Variants in TRAK2 observed in about 807,000 individuals in gnomAD.
TRAK2 encodes trafficking kinesin-binding protein 2.
In TRAK2, 81 loss-of-function variants were observed where a neutral mutation model predicts 104.6. That is an observed-to-expected ratio of 0.77 (90% CI 0.65 to 0.93). The LOEUF is 0.93. Ranked by LOEUF, TRAK2 falls within the 40% of genes least tolerant of loss-of-function variation. The probability of loss-of-function intolerance (pLI) is 0.00; values close to 1 mark genes in which losing one functional copy is unlikely to be tolerated. For synonymous variants in TRAK2, 406 were observed against 394.4 expected, an observed-to-expected ratio of 1.03 and a Z score of -0.35; for missense variants, 1,002 against 1,089.0, an observed-to-expected ratio of 0.92 and a Z score of 1.12.
At chr2:201,427,674 T>C (rs1283811003) in intron 1 of TRAK2, among the ~76,000 whole-genome samples, 1 of 152,244 alleles carries the variant, frequency 6.6e-6, no homozygotes, top group Non-Finnish European at 1.5e-5. Context: ...TATAATCCTT[T>C]GGGTATATAC....
chr2:201,406,427 ATGTTTATAATTTTT>A (rs1473218440), intron 3 of TRAK2, among the ~76,000 whole-genome samples: 3 of 152,174 alleles, frequency 2.0e-5, no homozygotes, highest in African/African-American at 7.2e-5. Flanking sequence ...AGCTGAAACA[ATGTTTATAATTTTT>A]TTTGAGCAGT....
At chr2:201,411,105 G>A (rs372043638) in intron 2 of TRAK2, 3 of 1,022,898 alleles carry the variant, frequency 2.9e-6, no homozygotes, top group African/African-American at 3.2e-5. Flanking sequence ...GAACGTACTT[G>A]AAGCAGAAGG....
At chr2:201,424,772 T>C (rs1951772965) in intron 1 of TRAK2, among the ~76,000 whole-genome samples, 1 of 149,310 alleles carries the variant, frequency 6.7e-6, no homozygotes, top group Admixed American at 6.6e-5. Context: ...CTGGCTAATT[T>C]TTTTTGTATT....
intron 3 of TRAK2, among the ~76,000 whole-genome samples, chr2:201,402,370 G>A (rs1951557485): frequency 6.6e-6 from 1 of 151,940 alleles, no homozygotes; most frequent in African/African-American, 2.4e-5. Context: ...AAATGAATCT[G>A]GGAATTACCT....
chr2:201,386,120 C>G, intron 14 of TRAK2, 98 bp downstream of exon 14: 2 of 1,294,066 alleles, frequency 1.5e-6, no homozygotes, highest in Non-Finnish European at 2.2e-6. Flanking sequence ...AGATTAAGTA[C>G]CCTCCAGTGA....
At chr2:201,381,964 T>C (rs1324624496) in intron 15 of TRAK2, among the ~76,000 whole-genome samples, 1 of 152,228 alleles carries the variant, frequency 6.6e-6, no homozygotes, top group African/African-American at 2.4e-5. Context: ...TATTCAGTAA[T>C]ACTACTGAAT....
In TRAK2 at chr2:201,377,358, G is replaced by A. The variant is rs1287573901; in HGVS notation, c.*3185C>T. The A allele has an allele frequency of 1.3e-5, 2 of 152,212 alleles. No homozygotes were observed. Among genetic ancestry groups the A allele is most frequent in the Non-Finnish European group, 2.9e-5 (2 of 68,044 alleles). The allele number at this position is 152,212 out of a possible 1,614,324, so 9.4% of individuals were successfully genotyped here. On this transcript the variant is annotated 3_prime_UTR_variant, in exon 16 of 16. Coordinates refer to ENST00000332624, the MANE Select transcript of TRAK2 (RefSeq NM_015049.3). The stretch of plus-strand genomic sequence containing the variant: ...AGAGGGCACTTGTGCCCACTCTGAG[G>A]GGGATGTCCTCTGCCATGCGACCGC...
chr2:201,382,702 G>C (rs977888746), intron 15 of TRAK2, among the ~76,000 whole-genome samples: 1 of 152,042 alleles, frequency 6.6e-6, no homozygotes, highest in South Asian at 2.1e-4. Flanking sequence ...GACTTTATTG[G>C]GATCTTTAGT....
intron 1 of TRAK2, among the ~76,000 whole-genome samples, chr2:201,443,239 C>G (rs1951939230): frequency 1.3e-5 from 2 of 152,274 alleles, no homozygotes; most frequent in South Asian, 4.1e-4. Context: ...CATCCTAAAC[C>G]ACCCTCCTTG....
At position 201,400,570 on chromosome 2, in the gene TRAK2, T is replaced by A. The variant is rs879646776; in HGVS notation, c.363+448A>T. Among the ~76,000 whole-genome samples, 33 of 151,868 alleles carry A rather than the reference T, an allele frequency of 2.2e-4. 1 individual carries two copies. The highest frequency in any genetic ancestry group is 2.0e-4 in the Admixed American group (3 of 15,220). On this transcript the variant is annotated intron_variant, in intron 4 of 15. Coordinates refer to ENST00000332624, the MANE Select transcript of TRAK2 (RefSeq NM_015049.3). ...TCTACTGATTGCCAACTAGAGGAGA[T>A]ACACTATACATATTAAAAATGCCAT...
intron 3 of TRAK2, among the ~76,000 whole-genome samples, chr2:201,402,636 G>A (rs550826184): frequency 5.3e-5 from 8 of 152,184 alleles, no homozygotes; most frequent in South Asian, 4.1e-4. Context: ...GTAGCATAGC[G>A]GGAACAAAGG....
intron 2 of TRAK2, among the ~76,000 whole-genome samples, chr2:201,419,947 G>A (rs1338628579): frequency 6.6e-6 from 1 of 152,170 alleles, no homozygotes; most frequent in African/African-American, 2.4e-5. Flanking sequence ...GGTTTGGTGG[G>A]CAAATGAGTT....
chr2:201,397,143 G>T (rs1951509654), intron 7 of TRAK2, among the ~76,000 whole-genome samples: 1 of 152,064 alleles, frequency 6.6e-6, no homozygotes, highest in Non-Finnish European at 1.5e-5. Flanking sequence ...CATCATTTAA[G>T]CCCTGGCTCT....
At chr2:201,410,137 A>AAC (rs1041908375) in intron 2 of TRAK2, among the ~76,000 whole-genome samples, 4 of 152,114 alleles carry the variant, frequency 2.6e-5, no homozygotes, top group African/African-American at 9.7e-5. Flanking sequence ...CTCTACGAGA[A>AAC]ACACACACAA....
chr2:201,420,688 T>G lies in TRAK2; in HGVS notation c.-181A>C. On this transcript the variant is annotated 5_prime_UTR_variant, in exon 2 of 16. The change abolishes an upstream ATG in the 5' untranslated region. Coordinates refer to ENST00000332624, the MANE Select transcript of TRAK2 (RefSeq NM_015049.3). ...AACGAGCACTCTCATGTGATTATCA[T>G]ACTTTGGACAGTCATGACCTAAAAC... is the stretch of plus-strand genomic sequence containing the variant. The G allele has an allele frequency of 1.8e-6, 1 of 562,558 alleles. No homozygotes were observed. The highest frequency in any genetic ancestry group is 3.0e-5 in the East Asian group (1 of 33,076). The allele number at this position is 562,558 out of a possible 1,614,324, so 34.8% of individuals were successfully genotyped here.
At chr2:201,446,295 A>G (rs957933245) in intron 1 of TRAK2, among the ~76,000 whole-genome samples, 1 of 152,164 alleles carries the variant, frequency 6.6e-6, no homozygotes, top group Admixed American at 6.5e-5. Context: ...AACTCTGTCC[A>G]TGCTATTTCT....
At chr2:201,429,102 G>A (rs1032516594) in intron 1 of TRAK2, among the ~76,000 whole-genome samples, 2 of 152,190 alleles carry the variant, frequency 1.3e-5, no homozygotes, top group African/African-American at 2.4e-5. Flanking sequence ...ATATAATCAT[G>A]TCATCTCCCA....
At chr2:201,401,128 T>C (rs1440942446) in intron 3 of TRAK2, 34 bp from the exon 4 acceptor site, 25 of 1,429,954 alleles carry the variant, frequency 1.7e-5, no homozygotes, top group Non-Finnish European at 2.4e-5. Context: ...TTATAGGCTT[T>C]AGCAATAATG....
chr2:201,388,090 G>A (rs1483656160), intron 12 of TRAK2, 89 bp from the exon 13 acceptor site: 2 of 1,344,686 alleles, frequency 1.5e-6, no homozygotes, highest in Non-Finnish European at 1.1e-6. Context: ...GCATTCAAGA[G>A]ACTGATATTA....
Sources: gnomAD v4.1 joint callset for allele counts (sites outside exome capture counted in the v4.1 genomes callset) on GRCh38, gnomAD v4.1.1 for gene constraint, MANE v1.5 for transcripts, NCBI Gene and HGNC (gene_info 2026-07-23, HGNC 2026-07-21) for gene names.